ANTXR1: variants seen among roughly 807,000 people sequenced by gnomAD.
ANTXR1 encodes the protein anthrax toxin receptor 1.
A neutral mutation model predicts 78.1 loss-of-function variants in ANTXR1; 19 were observed. That is an observed-to-expected ratio of 0.24 (90% CI 0.17 to 0.36). The LOEUF (loss-of-function observed/expected upper bound fraction) is 0.36. ANTXR1 is among the 10% of genes least tolerant of loss of function. The pLI is 1.00. For missense variants in ANTXR1, 518 were observed against 718.6 expected, an observed-to-expected ratio of 0.72 and a Z score of 3.19; for synonymous variants, 273 against 260.5, an observed-to-expected ratio of 1.05 and a Z score of -0.46.
chr2:69,157,557 A>T (rs1673560810), intron 13 of ANTXR1, among the ~76,000 whole-genome samples: 1 of 152,104 alleles, frequency 6.6e-6, no homozygotes, highest in Admixed American at 6.5e-5. Flanking sequence ...TAGGGACTGC[A>T]GAGCAACCGC....
chr2:69,182,364 C>G (rs1674296451), intron 15 of ANTXR1, 129 bp from the exon 16 acceptor site: 2 of 1,124,252 alleles, frequency 1.8e-6, no homozygotes, highest in Non-Finnish European at 1.3e-6. Flanking sequence ...TCTTCCCTGG[C>G]CCTCAAAACC....
rs1558676128 is a variant in ANTXR1, at chr2:69,249,091, A to G, written c.*3606A>G. The G allele has an allele frequency of 1.3e-5, 2 of 152,366 alleles. No homozygotes were observed. The highest frequency in any genetic ancestry group is 3.4e-3 in the Middle Eastern group (1 of 294). The allele number at this position is 152,366 out of a possible 1,614,324, so 9.4% of individuals were successfully genotyped here. On this transcript the variant is annotated 3_prime_UTR_variant, in exon 18 of 18. Coordinates refer to ENST00000303714, the MANE Select transcript of ANTXR1 (RefSeq NM_032208.3). ...AAATCAGTTATCACTATACCATGCT[A>G]TAGGAGACTGGGCAAAACCTGTACA...
intron 8 of ANTXR1, among the ~76,000 whole-genome samples, chr2:69,077,980 T>G (rs1281400025): frequency 6.6e-6 from 1 of 152,182 alleles, no homozygotes; most frequent in African/African-American, 2.4e-5. Context: ...CCTCAAGAGT[T>G]TCTTTAACTC....
chr2:69,192,997 GAA>G (rs1674576115), intron 16 of ANTXR1, among the ~76,000 whole-genome samples: 1 of 152,164 alleles, frequency 6.6e-6, no homozygotes, highest in African/African-American at 2.4e-5. Flanking sequence ...GTGAAATTTG[GAA>G]AGATTGACTT....
At chr2:69,165,334 G>A (rs1237071235) in intron 13 of ANTXR1, among the ~76,000 whole-genome samples, 1 of 152,206 alleles carries the variant, frequency 6.6e-6, no homozygotes, top group East Asian at 1.9e-4. Context: ...GGACTTGCAG[G>A]AAGTGCCCTG....
intron 7 of ANTXR1, among the ~76,000 whole-genome samples, chr2:69,076,183 C>T (rs1395246215): frequency 6.6e-6 from 1 of 152,068 alleles, no homozygotes; most frequent in Non-Finnish European, 1.5e-5. Flanking sequence ...CACTGTATTG[C>T]CCAGGCTGGT....
chr2:69,068,602 G>A (rs1182484627), intron 3 of ANTXR1, among the ~76,000 whole-genome samples: 1 of 152,208 alleles, frequency 6.6e-6, no homozygotes, highest in African/African-American at 2.4e-5. Context: ...AGGCTGGACA[G>A]GGAGGCAAGA....
chr2:69,168,316 T>C (rs979548623), intron 13 of ANTXR1, among the ~76,000 whole-genome samples: 9 of 152,240 alleles, frequency 5.9e-5, no homozygotes, highest in African/African-American at 1.9e-4. Flanking sequence ...TCGCTCATGA[T>C]GACTCAGTTT....
chr2:69,071,344 C>T (rs554075126), intron 4 of ANTXR1, among the ~76,000 whole-genome samples: 2 of 152,274 alleles, frequency 1.3e-5, no homozygotes, highest in South Asian at 4.2e-4. Flanking sequence ...AGGCTATAAA[C>T]CTATACAGCA....
chr2:69,206,311 T>G (rs1280028245), intron 17 of ANTXR1, among the ~76,000 whole-genome samples: 3 of 152,238 alleles, frequency 2.0e-5, no homozygotes, highest in Non-Finnish European at 4.4e-5. Context: ...TATAAGCCTT[T>G]CCATTTACTT....
intron 6 of ANTXR1, among the ~76,000 whole-genome samples, chr2:69,075,003 A>G (rs934793550): frequency 9.9e-5 from 15 of 152,126 alleles, no homozygotes; most frequent in African/African-American, 3.6e-4. Context: ...GGATTTACCT[A>G]TTCAAATATG....
chr2:69,083,147 A>T (rs973949286), intron 8 of ANTXR1, among the ~76,000 whole-genome samples: 1 of 152,220 alleles, frequency 6.6e-6, no homozygotes, highest in Non-Finnish European at 1.5e-5. Context: ...CTGTGATAAA[A>T]GGTGAAATCT....
chr2:69,053,298 C>T (rs1027277662), intron 3 of ANTXR1, among the ~76,000 whole-genome samples: 1 of 152,114 alleles, frequency 6.6e-6, no homozygotes, highest in Non-Finnish European at 1.5e-5. Context: ...TTATATGTAG[C>T]ATAATTTTAT....
At chr2:69,162,790 TA>T (rs1324486498) in intron 13 of ANTXR1, among the ~76,000 whole-genome samples, 2 of 152,162 alleles carry the variant, frequency 1.3e-5, no homozygotes, top group East Asian at 3.9e-4. Context: ...ATTTCTCCTG[TA>T]ACATGAAATG....
At chr2:69,073,165 G>A in intron 6 of ANTXR1, 64 bp downstream of exon 6, 1 of 1,443,420 alleles carries the variant, frequency 6.9e-7, no homozygotes, top group Non-Finnish European at 9.7e-7. Context: ...TTCTAAAATG[G>A]GCCACACTCT....
At chr2:69,032,013 G>T (rs567492095) in intron 1 of ANTXR1, among the ~76,000 whole-genome samples, 1 of 152,222 alleles carries the variant, frequency 6.6e-6, no homozygotes, top group East Asian at 1.9e-4. Context: ...TGTATGTAAA[G>T]ATATTGTTAA....
intron 1 of ANTXR1, among the ~76,000 whole-genome samples, chr2:69,016,589 A>T (rs1364516173): frequency 6.6e-6 from 1 of 152,222 alleles, no homozygotes; most frequent in Admixed American, 6.5e-5. Flanking sequence ...AATTCTTAAC[A>T]TACTATACAC....
At chr2:69,219,384 G>GAC (rs377200577) in intron 17 of ANTXR1, among the ~76,000 whole-genome samples, 14,275 of 132,238 alleles carry the variant, frequency 0.11, 826 homozygotes, top group African/African-American at 0.14. Context: ...CCAGAAGGAG[G>GAC]ACACACACAC....
At chr2:69,128,728 G>A (rs372266014) in intron 12 of ANTXR1, among the ~76,000 whole-genome samples, 1 of 152,326 alleles carries the variant, frequency 6.6e-6, no homozygotes, top group African/African-American at 2.4e-5. Context: ...ATGAAGTAAG[G>A]TCTTGGACTT....
Sources: allele counts gnomAD v4.1 joint callset (sites outside exome capture counted in the v4.1 genomes callset), GRCh38; gene constraint gnomAD v4.1.1; transcripts MANE v1.5; gene names NCBI Gene and HGNC (gene_info 2026-07-23, HGNC 2026-07-21).